The following SGCZ variants were observed in gnomAD, a reference collection of about 807,000 sequenced individuals.
SGCZ encodes zeta-sarcoglycan.
Under a neutral mutation model 41.3 loss-of-function variants are expected in SGCZ, and 40 were observed. That is an observed-to-expected ratio of 0.97 (90% CI 0.75 to 1.26). SGCZ has a LOEUF of 1.26. SGCZ is among the 50% of genes most tolerant of loss of function. The probability of loss-of-function intolerance (pLI) is 0.00; values close to 1 mark genes in which losing one functional copy is unlikely to be tolerated. For missense variants in SGCZ, 552 were observed against 369.8 expected (o/e 1.49, Z -4.04); for synonymous variants, 206 against 137.5 (o/e 1.50, Z -3.49).
intron 5 of SGCZ, among the ~76,000 whole-genome samples, chr8:14,131,006 A>G (rs1373307170): frequency 6.6e-6 from 1 of 152,088 alleles, no homozygotes; most frequent in Non-Finnish European, 1.5e-5. Flanking sequence ...CACCTCCTCA[A>G]ACTCATCTAT....
intron 2 of SGCZ, among the ~76,000 whole-genome samples, chr8:14,479,200 C>G (rs897719489): frequency 6.6e-6 from 1 of 152,212 alleles, no homozygotes; most frequent in Admixed American, 6.5e-5. Context: ...ACAGCGCAGC[C>G]TTCAGTCTGT....
intron 1 of SGCZ, among the ~76,000 whole-genome samples, chr8:15,049,451 T>C (rs1804435331): frequency 6.6e-6 from 1 of 152,086 alleles, no homozygotes; most frequent in Non-Finnish European, 1.5e-5. Flanking sequence ...TTTGAATTCA[T>C]TCTCAGAGCA....
intron 3 of SGCZ, among the ~76,000 whole-genome samples, chr8:14,267,997 T>C (rs1799932767): frequency 6.6e-6 from 1 of 151,748 alleles, no homozygotes; most frequent in African/African-American, 2.4e-5. Flanking sequence ...AGAATTATCA[T>C]GTACTTATAT....
intron 3 of SGCZ, among the ~76,000 whole-genome samples, chr8:14,264,126 G>C (rs1799777159): frequency 6.6e-6 from 1 of 152,180 alleles, no homozygotes; most frequent in African/African-American, 2.4e-5. Context: ...GAACCTCAGT[G>C]ACAAGGAGGC....
intron 1 of SGCZ, among the ~76,000 whole-genome samples, chr8:15,221,892 G>C (rs1801615434): frequency 6.6e-6 from 1 of 152,160 alleles, no homozygotes; most frequent in East Asian, 1.9e-4. Flanking sequence ...TCACCATGTG[G>C]AACACTCTGC....
chr8:14,975,873 T>TAC (rs10542601), intron 1 of SGCZ, among the ~76,000 whole-genome samples: 5,565 of 141,270 alleles, frequency 0.039, 320 homozygotes, highest in African/African-American at 0.13. Flanking sequence ...AGAAAAATTT[T>TAC]ACACACACAC....
intron 5 of SGCZ, among the ~76,000 whole-genome samples, chr8:14,108,940 C>T (rs1374152287): frequency 6.6e-6 from 1 of 152,134 alleles, no homozygotes; most frequent in Non-Finnish European, 1.5e-5. Context: ...ATACTCAATT[C>T]TGTGTTTCTA....
chr8:14,550,351 T>C (rs1199493506), intron 2 of SGCZ, among the ~76,000 whole-genome samples: 2 of 149,196 alleles, frequency 1.3e-5, no homozygotes, highest in East Asian at 3.9e-4. Context: ...ATAAATTATA[T>C]AAATATTTAT....
At position 14,440,785 on chromosome 8, in the gene SGCZ, G is replaced by A. The variant is rs184843773; in HGVS notation, c.234+113947C>T. On this transcript the variant is annotated intron_variant, in intron 2 of 7. Transcript: ENST00000382080. ...TATATGTATATATGTATATACATACGTATACACGTATATGTATATATGTGT... is the reference window on the plus strand; with the variant it reads ...TATATGTATATATGTATATACATACATATACACGTATATGTATATATGTGT... Among the ~76,000 whole-genome samples, 92 of 114,026 alleles carry A rather than the reference G, an allele frequency of 8.1e-4. 1 individual carries two copies. The highest frequency in any genetic ancestry group is 3.0e-3 in the African/African-American group (67 of 22,698). 74.8% of individuals were successfully genotyped at this position (114,026 alleles called of 152,430 possible). A position where few individuals can be genotyped will look rare whatever the true frequency, so the allele number is the denominator to read the frequency against.
chr8:14,716,480 G>A (rs957020865), intron 1 of SGCZ, among the ~76,000 whole-genome samples: 1 of 152,022 alleles, frequency 6.6e-6, no homozygotes, highest in African/African-American at 2.4e-5. Context: ...TGGGGGACCT[G>A]CAAAACCGAG....
chr8:14,235,077 C>T (rs747171361), intron 4 of SGCZ, among the ~76,000 whole-genome samples: 1 of 152,174 alleles, frequency 6.6e-6, no homozygotes, highest in African/African-American at 2.4e-5. Flanking sequence ...CAACACCATA[C>T]TTCTTATAAC....
At chr8:14,289,478 T>A (rs529738817) in intron 3 of SGCZ, among the ~76,000 whole-genome samples, 1 of 152,244 alleles carries the variant, frequency 6.6e-6, no homozygotes, top group South Asian at 2.1e-4. Flanking sequence ...AAACTCATTT[T>A]ACATGTAAAT....
At chr8:14,751,498 G>T (rs999400102) in intron 1 of SGCZ, among the ~76,000 whole-genome samples, 1 of 152,142 alleles carries the variant, frequency 6.6e-6, no homozygotes, top group South Asian at 2.1e-4. Flanking sequence ...CCATGAAAAG[G>T]ATTATAATTT....
chr8:14,308,835 A>G (rs373744783), intron 3 of SGCZ, among the ~76,000 whole-genome samples: 1 of 152,042 alleles, frequency 6.6e-6, no homozygotes, highest in Non-Finnish European at 1.5e-5. Context: ...CCATAAACAA[A>G]ACTAATGGGA....
intron 1 of SGCZ, among the ~76,000 whole-genome samples, chr8:14,791,170 T>A (rs1262894444): frequency 6.6e-6 from 1 of 152,198 alleles, no homozygotes; most frequent in Admixed American, 6.5e-5. Flanking sequence ...TACATGTTAA[T>A]ATTTTAACTA....
chr8:15,201,967 T>A (rs1165312806), intron 1 of SGCZ, among the ~76,000 whole-genome samples: 1 of 152,226 alleles, frequency 6.6e-6, no homozygotes, highest in African/African-American at 2.4e-5. Flanking sequence ...CCCATTAATG[T>A]AGTTTGATTT....
At chr8:15,127,827 C>G (rs1807761639) in intron 1 of SGCZ, among the ~76,000 whole-genome samples, 1 of 152,044 alleles carries the variant, frequency 6.6e-6, no homozygotes, top group Non-Finnish European at 1.5e-5. Context: ...GGAGAGAAAC[C>G]TAAAAGAACC....
chr8:14,398,965 G>T (rs1410455634), intron 2 of SGCZ, among the ~76,000 whole-genome samples: 1 of 152,060 alleles, frequency 6.6e-6, no homozygotes, highest in East Asian at 1.9e-4. Context: ...ATTTCAACAA[G>T]TGTAAATGTT....
chr8:15,195,909 T>G (rs2117121583), intron 1 of SGCZ, among the ~76,000 whole-genome samples: 1 of 138,200 alleles, frequency 7.2e-6, no homozygotes, highest in East Asian at 2.0e-4. Context: ...TTTTTTTTTT[T>G]TTTTTTGAGA....
Sources: allele counts gnomAD v4.1 joint callset (sites outside exome capture counted in the v4.1 genomes callset), GRCh38; gene constraint gnomAD v4.1.1; transcripts MANE v1.5; gene names NCBI Gene and HGNC (gene_info 2026-07-23, HGNC 2026-07-21).